CNTNAP2: variants seen among roughly 807,000 people sequenced by gnomAD.
CNTNAP2 encodes contactin associated protein 2, also known as contactin-associated protein-like 2.
Under a neutral mutation model 155.2 loss-of-function variants are expected in CNTNAP2, and 98 were observed. The observed-to-expected ratio is 0.63, with a 90% confidence interval of 0.54 to 0.75. The LOEUF is 0.75. CNTNAP2 is among the 30% of genes least tolerant of loss of function. The pLI is 0.00. For missense variants in CNTNAP2, 1,727 were observed against 1,688.1 expected (o/e 1.02, Z -0.40); for synonymous variants, 651 against 631.2 (o/e 1.03, Z -0.47).
At chr7:147,514,447 T>C (rs1356232640) in intron 11 of CNTNAP2, among the ~76,000 whole-genome samples, 22 of 152,068 alleles carry the variant, frequency 1.4e-4, no homozygotes, top group Non-Finnish European at 2.8e-4. Flanking sequence ...AAGTCTATTA[T>C]ATATTTGTTT....
chr7:147,644,092 A>G (rs1795327491), intron 13 of CNTNAP2, among the ~76,000 whole-genome samples: 1 of 152,206 alleles, frequency 6.6e-6, no homozygotes, highest in Non-Finnish European at 1.5e-5. Context: ...ACAGAAATGG[A>G]AAAATAAAAA....
chr7:146,134,450 G>A (rs1797766426), intron 1 of CNTNAP2, among the ~76,000 whole-genome samples: 1 of 151,056 alleles, frequency 6.6e-6, no homozygotes. Context: ...ACACTATGTT[G>A]AATAGGAGTG....
At chr7:146,953,046 C>A (rs996805573) in intron 3 of CNTNAP2, among the ~76,000 whole-genome samples, 5 of 151,944 alleles carry the variant, frequency 3.3e-5, no homozygotes, top group Non-Finnish European at 7.4e-5. Flanking sequence ...CTATTGAAAT[C>A]TTGGAAGTAA....
At chr7:148,300,257 C>T (rs530039890) in intron 21 of CNTNAP2, among the ~76,000 whole-genome samples, 2 of 152,166 alleles carry the variant, frequency 1.3e-5, no homozygotes, top group Non-Finnish European at 2.9e-5. Context: ...TCTTAAGGGA[C>T]AACCTTATGT....
At chr7:146,821,436 C>T (rs1289678755) in intron 2 of CNTNAP2, among the ~76,000 whole-genome samples, 4 of 152,014 alleles carry the variant, frequency 2.6e-5, no homozygotes, top group Admixed American at 2.6e-4. Flanking sequence ...CTTAGTTTGG[C>T]TGGATATGAA....
intron 3 of CNTNAP2, among the ~76,000 whole-genome samples, chr7:147,025,022 G>T (rs1406468121): frequency 6.6e-6 from 1 of 151,742 alleles, no homozygotes; most frequent in Non-Finnish European, 1.5e-5. Context: ...CGTGGCTCAA[G>T]CCTGTAATTC....
intron 1 of CNTNAP2, among the ~76,000 whole-genome samples, chr7:146,446,437 G>T (rs1796403438): frequency 6.6e-6 from 1 of 151,814 alleles, no homozygotes; most frequent in South Asian, 2.1e-4. Context: ...ATAAAAAAAA[G>T]AAATTATATT....
intron 8 of CNTNAP2, among the ~76,000 whole-genome samples, chr7:147,198,086 T>C (rs1422841396): frequency 6.6e-6 from 1 of 152,182 alleles, no homozygotes; most frequent in Non-Finnish European, 1.5e-5. Context: ...CAAAAACTTA[T>C]TGATAAATCT....
chr7:146,786,263 G>GGGAAA (rs1802572162), intron 2 of CNTNAP2, among the ~76,000 whole-genome samples: 1 of 105,140 alleles, frequency 9.5e-6, no homozygotes, highest in Non-Finnish European at 1.7e-5. Flanking sequence ...TACTTATTAA[G>GGGAAA]AGGCAGACCA....
intron 9 of CNTNAP2, among the ~76,000 whole-genome samples, chr7:147,378,599 G>A (rs1057502544): frequency 8.6e-5 from 13 of 152,016 alleles, no homozygotes; most frequent in Non-Finnish European, 1.8e-4. Context: ...GTTATCAAAG[G>A]CTGGGAAGGA....
At chr7:147,811,757 G>T (rs1798182964) in intron 13 of CNTNAP2, among the ~76,000 whole-genome samples, 1 of 152,070 alleles carries the variant, frequency 6.6e-6, no homozygotes, top group Non-Finnish European at 1.5e-5. Flanking sequence ...AAATAATTCA[G>T]ATTATATTTG....
chr7:147,656,431 T>C (rs1371992430), intron 13 of CNTNAP2, among the ~76,000 whole-genome samples: 1 of 152,208 alleles, frequency 6.6e-6, no homozygotes, highest in Admixed American at 6.5e-5. Context: ...ATGTGTGACT[T>C]TCTTTCACTC....
chr7:146,716,056 A>G (rs1801181350), intron 1 of CNTNAP2, among the ~76,000 whole-genome samples: 1 of 152,068 alleles, frequency 6.6e-6, no homozygotes, highest in Non-Finnish European at 1.5e-5. Context: ...TACCCACTAA[A>G]TTGAGGTACA....
chr7:146,488,521 A>G (rs1797092291), intron 1 of CNTNAP2, among the ~76,000 whole-genome samples: 4 of 151,978 alleles, frequency 2.6e-5, no homozygotes, highest in African/African-American at 9.7e-5. Flanking sequence ...CGCTACCACA[A>G]AAGCTTCTCA....
intron 21 of CNTNAP2, among the ~76,000 whole-genome samples, chr7:148,362,210 C>CAAAA (rs1227282676): frequency 8.4e-6 from 1 of 118,730 alleles, no homozygotes; most frequent in Admixed American, 1.1e-4. Context: ...AAAAAAAAAA[C>CAAAA]AAAAAACAAA....
chr7:147,818,551 C>A (rs1322622269), intron 13 of CNTNAP2, among the ~76,000 whole-genome samples: 2 of 152,156 alleles, frequency 1.3e-5, no homozygotes, highest in African/African-American at 4.8e-5. Context: ...AAAGGAAGCA[C>A]GTGGTCTGTT....
chr7:148,085,564 GATT>G (rs1248738140), intron 15 of CNTNAP2, among the ~76,000 whole-genome samples: 3 of 152,212 alleles, frequency 2.0e-5, no homozygotes, highest in South Asian at 4.1e-4. Context: ...AAATTGAAAA[GATT>G]ATTAGTTAGT....
intron 2 of CNTNAP2, among the ~76,000 whole-genome samples, chr7:146,788,037 C>A (rs1008574284): frequency 2.0e-5 from 3 of 152,238 alleles, no homozygotes; most frequent in Non-Finnish European, 4.4e-5. Flanking sequence ...AGGTCCCCAC[C>A]CTACCGAGAA....
In CNTNAP2 at chr7:146,789,677, C is replaced by G. The variant is rs1194609053; in HGVS notation, c.208+15296C>G. Reference sequence around the variant, plus strand: ...TAAAGATTTGAACAGAACAATGAGACCAACATTCTCTCTACCAGAAAAGAA... The same window carrying G: ...TAAAGATTTGAACAGAACAATGAGAGCAACATTCTCTCTACCAGAAAAGAA... On this transcript the variant is annotated intron_variant, in intron 2 of 23. Coordinates refer to ENST00000361727, the MANE Select transcript of CNTNAP2 (RefSeq NM_014141.6). 2.7e-5 allele frequency among the ~76,000 whole-genome samples: 4 copies of G among 149,460 alleles called. No homozygotes were observed. The South Asian group carries it at 8.4e-4, about 31-fold the overall frequency.
Sources: allele counts gnomAD v4.1 joint callset (sites outside exome capture counted in the v4.1 genomes callset), GRCh38; gene constraint gnomAD v4.1.1; transcripts MANE v1.5; gene names NCBI Gene and HGNC (gene_info 2026-07-23, HGNC 2026-07-21).